QTMAN: variants seen among roughly 807,000 people sequenced by gnomAD.
QTMAN encodes queuosine-tRNA mannosyltransferase.
chr2:144,140,817 T>C, the QTMAN span, among the ~76,000 whole-genome samples: 22 of 152,144 alleles, frequency 1.4e-4, no homozygotes, highest in Non-Finnish European at 3.2e-4. Context: ...GGCCTCTGTT[T>C]TCTGCACTTT....
chr2:143,940,839 G>A, the QTMAN span: 2 of 152,348 alleles, frequency 1.3e-5, no homozygotes, highest in Middle Eastern at 3.4e-3. Flanking sequence ...CAATAGAGAA[G>A]AGTCAGTTGT....
At chr2:144,019,539 A>G in the QTMAN span, among the ~76,000 whole-genome samples, 1 of 151,674 alleles carries the variant, frequency 6.6e-6, no homozygotes, top group Non-Finnish European at 1.5e-5. Context: ...GGAAAGGCTC[A>G]GGAATTTATC....
At chr2:144,103,977 T>C in the QTMAN span, among the ~76,000 whole-genome samples, 1 of 151,926 alleles carries the variant, frequency 6.6e-6, no homozygotes, top group Non-Finnish European at 1.5e-5. Flanking sequence ...GTAATCCCAG[T>C]GACTCAGGAG....
chr2:144,074,248 T>C, the QTMAN span, among the ~76,000 whole-genome samples: 4 of 152,204 alleles, frequency 2.6e-5, no homozygotes, highest in African/African-American at 9.6e-5. Flanking sequence ...CACCTATTTT[T>C]AATTTTGGCT....
chr2:144,025,098 T>C, the QTMAN span, among the ~76,000 whole-genome samples: 1 of 152,194 alleles, frequency 6.6e-6, no homozygotes, highest in East Asian at 1.9e-4. Context: ...ACAGAGGTGC[T>C]AGGCACACCT....
At chr2:144,119,483 T>G in the QTMAN span, among the ~76,000 whole-genome samples, 1 of 152,238 alleles carries the variant, frequency 6.6e-6, no homozygotes, top group Non-Finnish European at 1.5e-5. Context: ...ATCCCTGTCC[T>G]AACTCTACTT....
the QTMAN span, chr2:143,970,514 T>C: frequency 1.5e-6 from 1 of 663,550 alleles, no homozygotes; most frequent in Non-Finnish European, 2.7e-6. Context: ...TGAATCAGAC[T>C]TTAATGCCAT....
the QTMAN span, among the ~76,000 whole-genome samples, chr2:144,032,830 A>T: frequency 6.6e-6 from 1 of 152,230 alleles, no homozygotes; most frequent in Non-Finnish European, 1.5e-5. Flanking sequence ...TAAATCAGAC[A>T]AACTGGGATA....
the QTMAN span, among the ~76,000 whole-genome samples, chr2:144,182,523 A>G: frequency 5.3e-5 from 8 of 150,984 alleles, no homozygotes; most frequent in African/African-American, 1.5e-4. Flanking sequence ...GCACATCTGT[A>G]ATCCCACCTA....
chr2:143,982,817 G>A, the QTMAN span, among the ~76,000 whole-genome samples: 2 of 138,542 alleles, frequency 1.4e-5, no homozygotes, highest in African/African-American at 2.7e-5. Context: ...TCATGCTATC[G>A]CACTCCAGCC....
the QTMAN span, among the ~76,000 whole-genome samples, chr2:144,215,757 T>G: frequency 7.9e-5 from 12 of 152,328 alleles, no homozygotes; most frequent in South Asian, 8.3e-4. Context: ...AATAGAAAGT[T>G]TTGCACTGGA....
the QTMAN span, among the ~76,000 whole-genome samples, chr2:144,085,798 T>G: frequency 6.6e-6 from 1 of 152,134 alleles, no homozygotes; most frequent in African/African-American, 2.4e-5. Context: ...AGTTTTTAAC[T>G]CAAGACAGCT....
chr2:144,003,102 C>A, the QTMAN span, among the ~76,000 whole-genome samples: 1 of 151,692 alleles, frequency 6.6e-6, no homozygotes, highest in Non-Finnish European at 1.5e-5. Context: ...ATTTTAAAGG[C>A]TATAATGTAG....
the QTMAN span, among the ~76,000 whole-genome samples, chr2:144,216,828 G>A: frequency 6.6e-6 from 1 of 152,042 alleles, no homozygotes; most frequent in African/African-American, 2.4e-5. Flanking sequence ...ATCATCTGCA[G>A]TTTCTTATTC....
chr2:144,123,102 G>A, the QTMAN span, among the ~76,000 whole-genome samples: 1 of 151,970 alleles, frequency 6.6e-6, no homozygotes, highest in Non-Finnish European at 1.5e-5. Flanking sequence ...TTTAAAAATT[G>A]TTAAATTACC....
At chr2:144,022,552 C>A in the QTMAN span, among the ~76,000 whole-genome samples, 5 of 145,144 alleles carry the variant, frequency 3.4e-5, no homozygotes, top group Admixed American at 3.4e-4. Context: ...ATCTCTCTCT[C>A]TCTCTCTCTT....
At chr2:144,082,890 GCA>G in the QTMAN span, among the ~76,000 whole-genome samples, 102 of 148,026 alleles carry the variant, frequency 6.9e-4, 1 homozygote, top group African/African-American at 1.9e-3. Context: ...AAATACACAC[GCA>G]CACACACACA....
the QTMAN span, among the ~76,000 whole-genome samples, chr2:144,220,687 A>G: frequency 6.6e-6 from 1 of 152,226 alleles, no homozygotes; most frequent in Non-Finnish European, 1.5e-5. Context: ...ATCTCTCTCC[A>G]GCACATATAT....
At chr2:144,268,718 T>C in the QTMAN span, among the ~76,000 whole-genome samples, 1 of 152,244 alleles carries the variant, frequency 6.6e-6, no homozygotes, top group Non-Finnish European at 1.5e-5. Flanking sequence ...AATTACATAT[T>C]ACTAAAAAGA....
Sources: gnomAD v4.1 joint callset for allele counts (sites outside exome capture counted in the v4.1 genomes callset) on GRCh38, gnomAD v4.1.1 for gene constraint, MANE v1.5 for transcripts, NCBI Gene and HGNC (gene_info 2026-07-23, HGNC 2026-07-21) for gene names.